NRG3: variants seen among roughly 807,000 people sequenced by gnomAD.
NRG3 encodes the protein pro-neuregulin-3, membrane-bound isoform.
Under a neutral mutation model 66.9 loss-of-function variants are expected in NRG3, and 31 were observed. The ratio of observed to expected loss-of-function variants is 0.46; its 90% confidence interval spans 0.35 to 0.63. The LOEUF is 0.63. Among genes scored for constraint, NRG3 ranks in the 20% least tolerant of loss-of-function variants. The pLI is 0.00. For missense variants in NRG3, 910 were observed against 878.9 expected (o/e 1.04, Z -0.45); for synonymous variants, 393 against 359.4 (o/e 1.09, Z -1.06).
chr10:82,000,708 A>C (rs2133672497), intron 1 of NRG3, among the ~76,000 whole-genome samples: 1 of 152,336 alleles, frequency 6.6e-6, no homozygotes, highest in African/African-American at 2.4e-5. Context: ...CAAAATGAAT[A>C]TATTAACTTA....
intron 1 of NRG3, among the ~76,000 whole-genome samples, chr10:82,116,183 T>C (rs1177116024): frequency 6.6e-6 from 1 of 152,076 alleles, no homozygotes; most frequent in Non-Finnish European, 1.5e-5. Flanking sequence ...TTTTTAGTAG[T>C]TAGATCCAGG....
At chr10:82,663,045 T>C (rs2052489406) in intron 2 of NRG3, among the ~76,000 whole-genome samples, 1 of 152,222 alleles carries the variant, frequency 6.6e-6, no homozygotes, top group Non-Finnish European at 1.5e-5. Flanking sequence ...ATGTACTCAT[T>C]GCCATTATAA....
At chr10:82,984,867 G>T in intron 8 of NRG3, 1 of 1,451,472 alleles carries the variant, frequency 6.9e-7, no homozygotes, top group Non-Finnish European at 9.5e-7. Flanking sequence ...AAGAAGATCT[G>T]GGTTTGAGTC....
At chr10:82,398,130 C>G (rs1247077031) in intron 2 of NRG3, among the ~76,000 whole-genome samples, 2 of 151,968 alleles carry the variant, frequency 1.3e-5, no homozygotes, top group African/African-American at 4.8e-5. Context: ...TTGCAGGGCT[C>G]GCTGGAGTGG....
intron 3 of NRG3, among the ~76,000 whole-genome samples, chr10:82,780,485 T>C (rs1243392156): frequency 2.7e-5 from 4 of 149,468 alleles, no homozygotes; most frequent in East Asian, 4.1e-4. Context: ...CTTTTCTTTT[T>C]TTTTTTTTTT....
chr10:82,349,150 A>G (rs1320712772), intron 1 of NRG3, among the ~76,000 whole-genome samples: 1 of 151,396 alleles, frequency 6.6e-6, no homozygotes, highest in East Asian at 2.0e-4. Context: ...TCTGCTTTTT[A>G]GAGTTTCCAG....
At chr10:82,097,665 T>A (rs2066442262) in intron 1 of NRG3, among the ~76,000 whole-genome samples, 1 of 151,930 alleles carries the variant, frequency 6.6e-6, no homozygotes, top group South Asian at 2.1e-4. Flanking sequence ...GATACATGCA[T>A]GTTTAACTTC....
At chr10:82,204,566 G>A (rs550083033) in intron 1 of NRG3, among the ~76,000 whole-genome samples, 1 of 152,262 alleles carries the variant, frequency 6.6e-6, no homozygotes, top group South Asian at 2.1e-4. Context: ...AGTGGCATTC[G>A]CTGTACAACT....
intron 6 of NRG3, among the ~76,000 whole-genome samples, chr10:82,966,309 A>AT (rs1178646344): frequency 6.6e-6 from 1 of 151,854 alleles, no homozygotes; most frequent in Admixed American, 6.6e-5. Flanking sequence ...CAGTTTGTTG[A>AT]TTTTTTCTTT....
At chr10:82,721,782 C>T (rs534175325) in intron 2 of NRG3, among the ~76,000 whole-genome samples, 1 of 152,098 alleles carries the variant, frequency 6.6e-6, no homozygotes, top group Non-Finnish European at 1.5e-5. Context: ...AGAGAATATC[C>T]CCTACGTTGC....
intron 3 of NRG3, among the ~76,000 whole-genome samples, chr10:82,796,296 T>A (rs570924834): frequency 6.6e-6 from 1 of 152,242 alleles, no homozygotes; most frequent in East Asian, 1.9e-4. Flanking sequence ...AATACTAAAA[T>A]AAGAGTCTGA....
intron 3 of NRG3, among the ~76,000 whole-genome samples, chr10:82,808,586 AT>A (rs1348625689): frequency 6.6e-6 from 1 of 152,090 alleles, no homozygotes; most frequent in Non-Finnish European, 1.5e-5. Flanking sequence ...AATGAAAAAA[AT>A]CTCTCCAATT....
chr10:82,057,838 C>T (rs2063925439), intron 1 of NRG3, among the ~76,000 whole-genome samples: 1 of 152,138 alleles, frequency 6.6e-6, no homozygotes, highest in Non-Finnish European at 1.5e-5. Flanking sequence ...TCAATCTGGC[C>T]TTCTACCTTA....
At chr10:82,384,093 TATTA>T (rs1364636135) in intron 2 of NRG3, among the ~76,000 whole-genome samples, 2 of 152,172 alleles carry the variant, frequency 1.3e-5, no homozygotes, top group African/African-American at 4.8e-5. Context: ...AAACTGTCAT[TATTA>T]ATTCACTTAA....
At chr10:82,535,715 A>G (rs1847743783) in intron 2 of NRG3, among the ~76,000 whole-genome samples, 1 of 152,214 alleles carries the variant, frequency 6.6e-6, no homozygotes, top group African/African-American at 2.4e-5. Context: ...GATTGCCCAT[A>G]TAAAAATGCT....
At chr10:82,721,853 C>T (rs947452482) in intron 2 of NRG3, among the ~76,000 whole-genome samples, 2 of 151,868 alleles carry the variant, frequency 1.3e-5, no homozygotes, top group African/African-American at 4.8e-5. Flanking sequence ...TTCCACATGA[C>T]ATTCAGATTT....
intron 2 of NRG3, among the ~76,000 whole-genome samples, chr10:82,450,237 G>C (rs1590175057): frequency 6.6e-6 from 1 of 152,236 alleles, no homozygotes; most frequent in East Asian, 1.9e-4. Flanking sequence ...TCTCTTTGGG[G>C]AATGCTGCTT....
intron 2 of NRG3, among the ~76,000 whole-genome samples, chr10:82,555,356 C>G (rs949483558): frequency 1.3e-5 from 2 of 152,136 alleles, no homozygotes; most frequent in Non-Finnish European, 2.9e-5. Flanking sequence ...GAGAAAACCT[C>G]TTAAACAGAA....
rs975346897 is a variant in NRG3 at position 82,973,177 on chromosome 10, A to G, written c.1285-611A>G. Among the ~76,000 whole-genome samples the G allele has an allele frequency of 3.9e-5, 6 of 152,306 alleles. No individual in the cohort carries two copies. In the East Asian group the frequency reaches 9.7e-4, roughly 25 times the overall value. On this transcript the variant is annotated intron_variant, in intron 6 of 8. Transcript: ENST00000372141. The stretch of plus-strand genomic sequence containing the variant: ...AAATTTTTCTGAAGTTGTCATCTAC[A>G]TAAGCCTTCTTTAGGCTTCTATATC...
Sources: allele counts gnomAD v4.1 joint callset (sites outside exome capture counted in the v4.1 genomes callset), GRCh38; gene constraint gnomAD v4.1.1; transcripts MANE v1.5; gene names NCBI Gene and HGNC (gene_info 2026-07-23, HGNC 2026-07-21).